MIA2: variants seen among roughly 807,000 people sequenced by gnomAD.
MIA2 encodes the protein melanoma inhibitory activity protein 2.
Under a neutral mutation model 167.8 loss-of-function variants are expected in MIA2, and 127 were observed. That is an observed-to-expected ratio of 0.76 (90% CI 0.66 to 0.88). The LOEUF is 0.88. Ranked by LOEUF, MIA2 falls within the 40% of genes least tolerant of loss-of-function variation. MIA2 has a pLI of 0.00. For missense variants in MIA2, 1,690 were observed against 1,624.7 expected, an observed-to-expected ratio of 1.04 and a Z score of -0.69; for synonymous variants, 552 against 541.9, an observed-to-expected ratio of 1.02 and a Z score of -0.26.
At chr14:39,250,661 A>C (rs904406414) in intron 4 of MIA2, among the ~76,000 whole-genome samples, 1 of 150,942 alleles carries the variant, frequency 6.6e-6, no homozygotes, top group African/African-American at 2.4e-5. Flanking sequence ...GCGCCACTGC[A>C]CTCCAGCCTG....
At chr14:39,318,742 T>C (rs2065911602) in intron 22 of MIA2, among the ~76,000 whole-genome samples, 1 of 152,166 alleles carries the variant, frequency 6.6e-6, no homozygotes, top group Non-Finnish European at 1.5e-5. Flanking sequence ...ATTTCCAGTG[T>C]TGTAACTGGA....
intron 8 of MIA2, 25 bp downstream of exon 8, chr14:39,279,383 T>C (rs539789900): frequency 6.2e-7 from 1 of 1,601,366 alleles, no homozygotes; most frequent in Non-Finnish European, 8.5e-7. Flanking sequence ...CTGCTTTGAC[T>C]CTCATTGTTG....
chr14:39,240,902 C>A (rs1415407971), intron 3 of MIA2, among the ~76,000 whole-genome samples: 1 of 152,164 alleles, frequency 6.6e-6, no homozygotes, highest in East Asian at 1.9e-4. Context: ...AGCATGGATT[C>A]TGGAGATGGA....
chr14:39,241,524 C>T (rs2054037355), intron 3 of MIA2, among the ~76,000 whole-genome samples: 1 of 152,150 alleles, frequency 6.6e-6, no homozygotes, highest in African/African-American at 2.4e-5. Flanking sequence ...TACAATCAAA[C>T]TGTACTACAG....
intron 28 of MIA2, 130 bp downstream of exon 28, chr14:39,349,107 T>C (rs1808004168): frequency 4.2e-6 from 5 of 1,192,304 alleles, no homozygotes; most frequent in Admixed American, 2.6e-5. Flanking sequence ...AATCTGAAAA[T>C]TCTCATTACT....
chr14:39,312,240 A>G (rs1381093719), intron 18 of MIA2, among the ~76,000 whole-genome samples: 1 of 152,238 alleles, frequency 6.6e-6, no homozygotes, highest in Non-Finnish European at 1.5e-5. Flanking sequence ...ACCTTTTATC[A>G]GGAGAGGTGT....
chr14:39,237,585 T>A (rs551810578), intron 2 of MIA2, among the ~76,000 whole-genome samples: 159 of 152,284 alleles, frequency 1.0e-3, no homozygotes, highest in African/African-American at 3.5e-3. Flanking sequence ...GGCAGTATGG[T>A]TGGGATGGAG....
At chr14:39,322,710 G>A (rs1321706261) in intron 24 of MIA2, among the ~76,000 whole-genome samples, 2 of 152,048 alleles carry the variant, frequency 1.3e-5, no homozygotes, top group Admixed American at 6.5e-5. Context: ...TGTACCTGGA[G>A]TTTTCCTTTT....
chr14:39,242,592 G>A (rs2054100831), intron 3 of MIA2, among the ~76,000 whole-genome samples: 1 of 151,774 alleles, frequency 6.6e-6, no homozygotes, highest in African/African-American at 2.4e-5. Context: ...CAAAGTGCTG[G>A]AATTACAGGT....
At chr14:39,352,251 C>T (rs2074408529), downstream of MIA2, among the ~76,000 whole-genome samples, 1 of 150,486 alleles carries the variant, frequency 6.6e-6, no homozygotes. Flanking sequence ...TGCTGCAAAC[C>T]ATACTGGTTG....
chr14:39,317,107 C>G (rs1300347527), intron 21 of MIA2, among the ~76,000 whole-genome samples: 1 of 152,104 alleles, frequency 6.6e-6, no homozygotes, highest in Non-Finnish European at 1.5e-5. Flanking sequence ...CAGATGACAC[C>G]TAGGATATAT....
At chr14:39,337,637 G>A (rs2070741458) in intron 25 of MIA2, among the ~76,000 whole-genome samples, 1 of 152,106 alleles carries the variant, frequency 6.6e-6, no homozygotes, top group South Asian at 2.1e-4. Context: ...ATTGATACAT[G>A]CAACAATTTG....
chr14:39,283,102 T>C (rs2059174984), intron 9 of MIA2, among the ~76,000 whole-genome samples: 1 of 152,220 alleles, frequency 6.6e-6, no homozygotes, highest in African/African-American at 2.4e-5. Context: ...TAATATTCCA[T>C]TGTAAATATA....
intron 23 of MIA2, among the ~76,000 whole-genome samples, chr14:39,382,897 A>G (rs1192611272): frequency 7.5e-6 from 1 of 133,472 alleles, no homozygotes; most frequent in Non-Finnish European, 1.6e-5. Flanking sequence ...CAAGATAAGA[A>G]TTGGACACTC....
downstream of MIA2, among the ~76,000 whole-genome samples, chr14:39,351,797 C>T (rs139813541): frequency 0.01 from 1,560 of 152,208 alleles, 30 homozygotes; most frequent in African/African-American, 0.034. Context: ...TTAGTAGAGA[C>T]AGGGTTTCAC....
chr14:39,304,096 C>A (rs957049170), intron 16 of MIA2, among the ~76,000 whole-genome samples, 195 bp from the exon 17 acceptor site: 2 of 152,084 alleles, frequency 1.3e-5, no homozygotes, highest in Non-Finnish European at 1.5e-5. Context: ...CTGAGACTTA[C>A]AAGCATTGAC....
At chr14:39,316,832 C>T (rs1388887096) in intron 21 of MIA2, among the ~76,000 whole-genome samples, 1 of 152,026 alleles carries the variant, frequency 6.6e-6, no homozygotes, top group African/African-American at 2.4e-5. Context: ...CAGGGTAAGA[C>T]GGTAACCAGG....
intron 23 of MIA2, chr14:39,386,288 T>C: frequency 6.8e-7 from 1 of 1,467,968 alleles, no homozygotes; most frequent in South Asian, 1.1e-5. Context: ...CTCTGAGGAA[T>C]TTCTGGCCTC....
chr14:39,241,706 A>C (rs1287686730), intron 3 of MIA2, among the ~76,000 whole-genome samples: 2 of 152,230 alleles, frequency 1.3e-5, no homozygotes, highest in Non-Finnish European at 2.9e-5. Context: ...CCAAACAGTA[A>C]TGAATCTTGT....
Sources: gnomAD v4.1 joint callset for allele counts (sites outside exome capture counted in the v4.1 genomes callset) on GRCh38, gnomAD v4.1.1 for gene constraint, MANE v1.5 for transcripts, NCBI Gene and HGNC (gene_info 2026-07-23, HGNC 2026-07-21) for gene names.